The following ICA1 variants were observed in gnomAD, a reference collection of about 807,000 sequenced individuals.
The protein encoded by ICA1 is islet cell autoantigen 1.
A neutral mutation model predicts 71.0 loss-of-function variants in ICA1; 40 were observed. The observed-to-expected ratio is 0.56, with a 90% confidence interval of 0.44 to 0.73. The LOEUF (loss-of-function observed/expected upper bound fraction) is 0.73, where lower values mean the gene tolerates loss of function less well. ICA1 is among the 30% of genes least tolerant of loss of function. The pLI, the probability that ICA1 is intolerant of heterozygous loss-of-function variation, is 0.00. For missense variants in ICA1, 578 were observed against 576.5 expected, an observed-to-expected ratio of 1.00 and a Z score of -0.03; for synonymous variants, 207 against 209.5, an observed-to-expected ratio of 0.99 and a Z score of 0.10.
At position 8,143,928 on chromosome 7, in the gene ICA1, C is replaced by T. The variant is rs746872019; in HGVS notation, c.849G>A (p.Lys283=). The T allele has an allele frequency of 8.1e-6, 13 of 1,612,618 alleles. No individual in the cohort carries two copies. The highest frequency in any genetic ancestry group is 1.1e-5 in the Non-Finnish European group (13 of 1,178,954). The change falls in exon 9 of 14, where the codon AAG becomes AAA. Residue 283 remains lysine (K), a synonymous_variant. Coordinates refer to ENST00000402384, the MANE Select transcript of ICA1 (RefSeq NM_001136020.3). ...PMKKLVEKEE[K]KKINQQESTD... ...TACTTTCCTGCTGGTTGATTTTCTT[C>T]TTCTCTTCTTTCTCAACTAATTTTT...
At position 8,142,792 on chromosome 7, in the gene ICA1, C is replaced by A. The variant is rs140217280; in HGVS notation, c.903-975G>T. ...GTGCTCACTAAAATGATAGCTAGCA[C>A]TATTACCATCACCAGGAATGGGTTA... On this transcript the variant is annotated intron_variant, in intron 9 of 13. Transcript: ENST00000402384. Among the ~76,000 whole-genome samples, 910 of 152,354 alleles carry A rather than the reference C, an allele frequency of 6.0e-3. 7 individuals carry two copies. The highest frequency in any genetic ancestry group is 0.02 in the Middle Eastern group (6 of 294).
chr7:8,201,006 T>C (rs1380714242), intron 6 of ICA1, among the ~76,000 whole-genome samples: 4 of 152,224 alleles, frequency 2.6e-5, no homozygotes, highest in Non-Finnish European at 2.9e-5. Context: ...ACTTTAGTGG[T>C]CAATGAGTAT....
At chr7:8,177,035 T>C (rs1272170425) in intron 6 of ICA1, among the ~76,000 whole-genome samples, 1 of 152,234 alleles carries the variant, frequency 6.6e-6, no homozygotes, top group Non-Finnish European at 1.5e-5. Flanking sequence ...CTTCGTCTAC[T>C]ACTCTCTTTC....
rs948109338 is a variant in ICA1, at chr7:8,130,391, G to A, written c.1061-2249C>T. Among the ~76,000 whole-genome samples the A allele has an allele frequency of 6.6e-6, 1 of 152,190 alleles. No individual in the cohort carries two copies. The highest frequency in any genetic ancestry group is 1.5e-5 in the Non-Finnish European group (1 of 68,026). On this transcript the variant is annotated intron_variant, in intron 12 of 13. Coordinates refer to ENST00000402384, the MANE Select transcript of ICA1 (RefSeq NM_001136020.3). This position sits in a 1 kb window ranked among gnomAD's most constrained non-coding sequence, Gnocchi z 4.2. ...AAGGAAAGCAACCTTCGCAGCTCAG[G>A]ATGTGTCCATCAACACCTGTATCTA...
At chr7:8,153,112 C>T (rs1484200709) in intron 8 of ICA1, among the ~76,000 whole-genome samples, 4 of 152,220 alleles carry the variant, frequency 2.6e-5, no homozygotes, top group Non-Finnish European at 4.4e-5. Flanking sequence ...CTCACTACCA[C>T]CACCATGCAG....
At chr7:8,229,008 C>G (rs1205091396) in intron 3 of ICA1, among the ~76,000 whole-genome samples, 2 of 151,700 alleles carry the variant, frequency 1.3e-5, no homozygotes, top group Non-Finnish European at 2.9e-5. Context: ...AACCAGAGAC[C>G]CAATATTCAT....
rs183446982 is a variant in ICA1 at position 8,141,210 on chromosome 7, C to G, written c.955+555G>C. 9.8e-5 allele frequency among the ~76,000 whole-genome samples: 15 copies of G among 152,352 alleles called. No individual in the cohort carries two copies. The East Asian group carries it at 1.9e-3, about 20-fold the overall frequency. ...ATAGCTGATGAGCCTGCACAGCACA[C>G]TGTGCCATCTCCCAACGCTCTGACC... On this transcript the variant is annotated intron_variant, in intron 10 of 13. Transcript: ENST00000402384.
At chr7:8,127,738 T>C in intron 13 of ICA1, 135 bp downstream of exon 13, 1 of 915,886 alleles carries the variant, frequency 1.1e-6, no homozygotes, top group Non-Finnish European at 1.7e-6. Context: ...AATGTGATTC[T>C]GAGTCTCCAG....
rs913792885 is a variant in ICA1 at position 8,234,439 on chromosome 7, T to C, written c.17+1471A>G. Among the ~76,000 whole-genome samples the C allele has an allele frequency of 3.3e-5, 5 of 152,190 alleles. No homozygotes were observed. Among genetic ancestry groups the C allele is most frequent in the African/African-American group, 1.2e-4 (5 of 41,448 alleles). On this transcript the variant is annotated intron_variant, in intron 2 of 13. Transcript: ENST00000402384. The surrounding 1 kb of genome is among the most constrained non-coding windows in gnomAD (Gnocchi z 4.5). ...GCAACTCTCCTCTGTGGAGATGTAC[T>C]TTCCTCTACCCCATCCCATCACCAC...
chr7:8,185,218 G>A (rs1783536629), intron 6 of ICA1, among the ~76,000 whole-genome samples: 2 of 152,122 alleles, frequency 1.3e-5, no homozygotes, highest in Admixed American at 1.3e-4. Flanking sequence ...AAAAATAAAA[G>A]TAAATTTTAA....
chr7:8,141,551 T>C (rs1795229468), intron 10 of ICA1, among the ~76,000 whole-genome samples: 1 of 152,220 alleles, frequency 6.6e-6, no homozygotes. Flanking sequence ...TGTGATTTTC[T>C]GGTTCACAAT....
intron 8 of ICA1, among the ~76,000 whole-genome samples, chr7:8,152,949 A>T (rs942728159): frequency 3.3e-5 from 5 of 151,866 alleles, no homozygotes; most frequent in African/African-American, 1.2e-4. Flanking sequence ...CACCTCTTCC[A>T]CCACTACCAT....
At chr7:8,203,223 T>C (rs576023967) in intron 6 of ICA1, among the ~76,000 whole-genome samples, 1 of 119,200 alleles carries the variant, frequency 8.4e-6, no homozygotes, top group African/African-American at 2.4e-5. Flanking sequence ...CTCTAAGCCT[T>C]AGGTAAACAT....
At chr7:8,247,974 C>A (rs1345177495) in intron 1 of ICA1, among the ~76,000 whole-genome samples, 2 of 152,160 alleles carry the variant, frequency 1.3e-5, no homozygotes, top group Admixed American at 1.3e-4. Flanking sequence ...TATCAGGCAG[C>A]AACTTGGTAA....
chr7:8,124,458 A>G (rs961874554), intron 13 of ICA1, among the ~76,000 whole-genome samples: 1 of 151,858 alleles, frequency 6.6e-6, no homozygotes, highest in African/African-American at 2.4e-5. Context: ...TGCAGTGAAA[A>G]AAAAAAAAAA....
intron 13 of ICA1, among the ~76,000 whole-genome samples, chr7:8,121,022 T>C (rs1402036422): frequency 2.0e-5 from 3 of 152,176 alleles, no homozygotes; most frequent in African/African-American, 7.2e-5. Context: ...CTAGTTTCCA[T>C]GCCTGCAAGG....
intron 9 of ICA1, 68 bp downstream of exon 9, chr7:8,143,807 G>C: frequency 9.9e-7 from 1 of 1,009,450 alleles, no homozygotes; most frequent in Non-Finnish European, 1.6e-6. Context: ...GCCAGGTTCG[G>C]TCAGCGAGAA....
chr7:8,231,355 T>C (rs1800227460), intron 3 of ICA1, among the ~76,000 whole-genome samples: 1 of 152,066 alleles, frequency 6.6e-6, no homozygotes, highest in Non-Finnish European at 1.5e-5. Flanking sequence ...TGCTATGTAC[T>C]AGAGATACCA....
chr7:8,215,565 C>T (rs1481108960), intron 6 of ICA1, among the ~76,000 whole-genome samples: 1 of 152,166 alleles, frequency 6.6e-6, no homozygotes, highest in Non-Finnish European at 1.5e-5. Context: ...CAATCTGCCT[C>T]CTTACTGCTG....
Sources: gnomAD v4.1 joint callset for allele counts (sites outside exome capture counted in the v4.1 genomes callset) on GRCh38, gnomAD v4.1.1 for gene constraint, Gnocchi (gnomAD v3.1) non-coding constraint, MANE v1.5 for transcripts, NCBI Gene and HGNC (gene_info 2026-07-23, HGNC 2026-07-21) for gene names.